COL5A1: variants seen among roughly 807,000 people sequenced by gnomAD.
COL5A1 encodes collagen type V alpha 1 chain.
A neutral mutation model predicts 263.7 loss-of-function variants in COL5A1; 16 were observed. The observed-to-expected ratio is 0.06, with a 90% CI of 0.04 to 0.09. The LOEUF is 0.09. COL5A1 is among the 10% of genes least tolerant of loss of function. The pLI is 1.00. For synonymous variants in COL5A1, 1,012 were observed against 1,004.5 expected, an observed-to-expected ratio of 1.01 and a Z score of -0.14; for missense variants, 2,036 against 2,540.5, an observed-to-expected ratio of 0.80 and a Z score of 4.27.
At chr9:134,711,178 G>A (rs1434336128) in intron 4 of COL5A1, among the ~76,000 whole-genome samples, 1 of 152,106 alleles carries the variant, frequency 6.6e-6, no homozygotes, top group Non-Finnish European at 1.5e-5. Flanking sequence ...AGAAGCCCCT[G>A]TGGGCCTGCA....
At chr9:134,737,546 C>A (rs1245533613) in intron 9 of COL5A1, among the ~76,000 whole-genome samples, 1 of 152,198 alleles carries the variant, frequency 6.6e-6, no homozygotes, top group African/African-American at 2.4e-5. Context: ...CAGAGCAAGT[C>A]CCTTGAGGAA....
chr9:134,818,393 C>T lies in COL5A1; in HGVS notation c.4231-263C>T, dbSNP rs3827847. The stretch of plus-strand genomic sequence containing the variant: ...GAGGTTGTGCGGTTCCATCCCTGCT[C>T]GGGCAGTGGCGCTGTGACACCCGGT... On this transcript the variant is annotated intron_variant, in intron 54 of 65. Transcript: ENST00000371817. The surrounding 1 kb of genome is among the most constrained non-coding windows in gnomAD (Gnocchi z 6.0). 9.9e-5 allele frequency among the ~76,000 whole-genome samples: 15 copies of T among 152,270 alleles called. No homozygotes were observed. The East Asian group carries it at 2.1e-3, about 22-fold the overall frequency.
At chr9:134,657,157 A>G (rs1438068353) in intron 1 of COL5A1, among the ~76,000 whole-genome samples, 38 of 21,520 alleles carry the variant, frequency 1.8e-3, no homozygotes, top group Admixed American at 4.7e-3. Flanking sequence ...GTTTATAGAT[A>G]ATATGGGGGT....
At chr9:134,692,847 C>T (rs1415712706) in intron 2 of COL5A1, among the ~76,000 whole-genome samples, 1 of 151,916 alleles carries the variant, frequency 6.6e-6, no homozygotes, top group Non-Finnish European at 1.5e-5. Context: ...CTGAGGCAGG[C>T]GGATCACTTA....
At position 134,801,989 on chromosome 9, in the gene COL5A1, C is replaced by G. The variant is rs374409202; in HGVS notation, c.2988C>G (p.Pro996=). The G allele has an allele frequency of 1.9e-6, 3 of 1,613,408 alleles. No individual in the cohort carries two copies. The highest frequency in any genetic ancestry group is 2.5e-6 in the Non-Finnish European group (3 of 1,180,014). The change falls in exon 38 of 66, where the codon CCC becomes CCG. Residue 996 remains proline (P), a synonymous_variant. Transcript: ENST00000371817. ...FQGKTGPPGP[P]GVVGPQGPTG... is the part of the protein sequence containing the mutation. ...GCAAGACCGGCCCTCCAGGCCCCCC[C>G]GGCGTGGTCGGCCCTCAGGTAAGCT...
intron 4 of COL5A1, among the ~76,000 whole-genome samples, chr9:134,722,483 C>T (rs1012591889): frequency 6.6e-6 from 1 of 152,098 alleles, no homozygotes; most frequent in African/African-American, 2.4e-5. Flanking sequence ...CCCTGGGGTA[C>T]GGGGTTGTGC....
rs747754133 is a variant in COL5A1, at chr9:134,815,446, G to A, written c.4015-130G>A. ...GGGCCATAAAGTGCACTGGGTTGTC[G>A]GAACTGCTGGAAAGTCTTAGGAGCT... On this transcript the variant is annotated intron_variant, in intron 50 of 65. Coordinates refer to ENST00000371817, the MANE Select transcript of COL5A1 (RefSeq NM_000093.5). The A allele has an allele frequency of 1.2e-4, 114 of 920,570 alleles. No individual in the cohort carries two copies. In the East Asian group the frequency reaches 1.3e-3, roughly 11 times the overall value. 57.0% of individuals were successfully genotyped at this position (920,570 alleles called of 1,614,324 possible). A position where few individuals can be genotyped will look rare whatever the true frequency, so the allele number is the denominator to read the frequency against.
chr9:134,718,326 G>A (rs1290189198), intron 4 of COL5A1, among the ~76,000 whole-genome samples: 1 of 152,242 alleles, frequency 6.6e-6, no homozygotes, highest in African/African-American at 2.4e-5. Context: ...CTGGCCTGGT[G>A]GCGGAAACTT....
intron 6 of COL5A1, among the ~76,000 whole-genome samples, chr9:134,729,554 A>G (rs1394321406): frequency 2.4e-5 from 3 of 126,516 alleles, no homozygotes; most frequent in East Asian, 2.6e-4. Flanking sequence ...ACGGGTGTGC[A>G]TGAGCCTGTG....
intron 1 of COL5A1, among the ~76,000 whole-genome samples, chr9:134,667,334 C>T (rs534028023): frequency 6.6e-6 from 1 of 152,360 alleles, no homozygotes; most frequent in South Asian, 2.1e-4. Context: ...CAGGCCCTCT[C>T]AGGATCAGTG....
At chr9:134,656,068 G>T (rs561789547) in intron 1 of COL5A1, among the ~76,000 whole-genome samples, 1 of 152,304 alleles carries the variant, frequency 6.6e-6, no homozygotes, top group African/African-American at 2.4e-5. Context: ...CTCACCACCG[G>T]ATGCCAGAGG....
chr9:134,760,138 ATGTGCAGACAC>A (rs1836274495), intron 18 of COL5A1, among the ~76,000 whole-genome samples: 2 of 90,314 alleles, frequency 2.2e-5, no homozygotes, highest in Admixed American at 1.4e-4. Flanking sequence ...CCACACTCAC[ATGTGCAGACAC>A]CACACATGCA....
chr9:134,761,863 C>A, intron 18 of COL5A1, 62 bp from the exon 19 acceptor site: 1 of 1,518,282 alleles, frequency 6.6e-7, no homozygotes, highest in Non-Finnish European at 9.1e-7. Flanking sequence ...CAAAGTGGGA[C>A]CTTGGACAAG....
chr9:134,649,797 T>A (rs1463870591), intron 1 of COL5A1, among the ~76,000 whole-genome samples: 1 of 152,078 alleles, frequency 6.6e-6, no homozygotes, highest in Non-Finnish European at 1.5e-5. Flanking sequence ...TGCCCATCAA[T>A]GATAGATTGG....
rs1261857405 is a variant in COL5A1 at position 134,691,052 on chromosome 9, A to C, written c.250A>C (p.Ser84Arg). The part of the protein sequence containing the change: ...AYRVTKDAQL[S>R]APTKQLYPAS... Reference sequence around the variant, plus strand: ...CAGAGTCACCAAAGACGCGCAGCTCAGCGCACCCACCAAGCAGCTGTACCC... The same window carrying C: ...CAGAGTCACCAAAGACGCGCAGCTCCGCGCACCCACCAAGCAGCTGTACCC... The change falls in exon 2 of 66, where the codon AGC becomes CGC. Residue 84 changes from serine (S) to arginine (R), a missense_variant. This residue lies in a region of COL5A1 where 600 missense variants were observed against 634.5 expected (regional missense o/e 0.95). Transcript: ENST00000371817. 2 of 1,613,456 alleles carry C rather than the reference A, an allele frequency of 1.2e-6. No homozygotes were observed. The highest frequency in any genetic ancestry group is 1.7e-6 in the Non-Finnish European group (2 of 1,179,998).
In COL5A1 at chr9:134,690,963, G is replaced by C. The variant is rs1393560967; in HGVS notation, c.161G>C (p.Gly54Ala). ...CTAGATTTTCACAACTTGCCTGATG[G>C]AATAACAAAGACAACAGGCTTTTGC... ...KVLDFHNLPD[G>A]ITKTTGFCAT... The change falls in exon 2 of 66, where the codon GGA becomes GCA. Residue 54 changes from glycine (G) to alanine (A), a missense_variant. Coordinates refer to ENST00000371817, the MANE Select transcript of COL5A1 (RefSeq NM_000093.5). 2 of 1,613,876 alleles carry C rather than the reference G, an allele frequency of 1.2e-6. No homozygotes were observed. The highest frequency in any genetic ancestry group is 8.5e-7 in the Non-Finnish European group (1 of 1,180,050).
intron 1 of COL5A1, among the ~76,000 whole-genome samples, chr9:134,663,503 C>G (rs1832270538): frequency 6.6e-6 from 1 of 152,190 alleles, no homozygotes; most frequent in Non-Finnish European, 1.5e-5. Context: ...ATAAATGTCA[C>G]TTGAGCATTT....
chr9:134,779,724 C>T (rs1588539239), intron 27 of COL5A1, among the ~76,000 whole-genome samples: 1 of 152,206 alleles, frequency 6.6e-6, no homozygotes, highest in East Asian at 1.9e-4. Context: ...TTAGACCTCA[C>T]CTCCTGCTTC....
At chr9:134,690,371 T>C (rs1240587904) in intron 1 of COL5A1, among the ~76,000 whole-genome samples, 1 of 151,900 alleles carries the variant, frequency 6.6e-6, no homozygotes, top group African/African-American at 2.4e-5. Context: ...TCAGGTGGGG[T>C]GAAGGTTCTC....
Sources: allele counts gnomAD v4.1 joint callset (sites outside exome capture counted in the v4.1 genomes callset), GRCh38; gene constraint gnomAD v4.1.1; regional missense constraint gnomAD v4.1.1; non-coding constraint Gnocchi (gnomAD v3.1); transcripts MANE v1.5; gene names NCBI Gene and HGNC (gene_info 2026-07-23, HGNC 2026-07-21).